The following SNTB1 variants were observed in gnomAD, a reference collection of about 807,000 sequenced individuals.
The protein encoded by SNTB1 is beta-1-syntrophin.
In SNTB1, 36 loss-of-function variants were observed where a neutral mutation model predicts 48.9. The observed-to-expected ratio is 0.74, with a 90% confidence interval of 0.56 to 0.97. The LOEUF (loss-of-function observed/expected upper bound fraction) is 0.97. Among genes scored for constraint, SNTB1 ranks in the 50% least tolerant of loss-of-function variants. The pLI, the probability that SNTB1 is intolerant of heterozygous loss-of-function variation, is 0.00. For missense variants in SNTB1, 786 were observed against 703.4 expected (o/e 1.12, Z -1.33); for synonymous variants, 299 against 294.6 (o/e 1.01, Z -0.15).
chr8:120,810,358 A>C (rs1308108137), intron 1 of SNTB1, among the ~76,000 whole-genome samples: 1 of 152,200 alleles, frequency 6.6e-6, no homozygotes, highest in Non-Finnish European at 1.5e-5. Context: ...CACATAACTC[A>C]ACATAGCCAT....
chr8:120,546,642 G>C (rs561385329), intron 5 of SNTB1, among the ~76,000 whole-genome samples: 1 of 152,106 alleles, frequency 6.6e-6, no homozygotes, highest in South Asian at 2.1e-4. Flanking sequence ...GCTAATTTTT[G>C]TATTTTTAGT....
At chr8:120,719,895 C>G (rs1389585556) in intron 1 of SNTB1, among the ~76,000 whole-genome samples, 1 of 152,234 alleles carries the variant, frequency 6.6e-6, no homozygotes, top group Non-Finnish European at 1.5e-5. Flanking sequence ...AAGAATTCCA[C>G]TTACATGAAT....
chr8:120,556,578 T>C (rs1391521072), intron 4 of SNTB1, among the ~76,000 whole-genome samples: 2 of 152,206 alleles, frequency 1.3e-5, no homozygotes, highest in Non-Finnish European at 2.9e-5. Context: ...TTCATCACTA[T>C]ACTACCTTAT....
chr8:120,703,471 A>G (rs1818336465), intron 1 of SNTB1, among the ~76,000 whole-genome samples: 1 of 152,152 alleles, frequency 6.6e-6, no homozygotes, highest in Admixed American at 6.5e-5. Flanking sequence ...ACCAATCTTT[A>G]TTACAGATCA....
intron 1 of SNTB1, among the ~76,000 whole-genome samples, chr8:120,794,448 T>G (rs1207981398): frequency 6.6e-6 from 1 of 151,948 alleles, no homozygotes; most frequent in Non-Finnish European, 1.5e-5. Context: ...TAGAGAAAGC[T>G]ATTCAATATA....
chr8:120,646,197 C>G lies in SNTB1; in HGVS notation c.789-13546G>C, dbSNP rs1286384310. On this transcript the variant is annotated intron_variant, in intron 2 of 6. Transcript: ENST00000517992. Reference sequence around the variant, plus strand: ...ATTGCCCTGGCCAGAACTTCCAACACTATGTTGAATAGGAGTGGTGAGAGA... The same window carrying G: ...ATTGCCCTGGCCAGAACTTCCAACAGTATGTTGAATAGGAGTGGTGAGAGA... Among the ~76,000 whole-genome samples the G allele has an allele frequency of 1.7e-4, 23 of 136,902 alleles. 1 individual carries two copies. Among genetic ancestry groups the G allele is most frequent in the Non-Finnish European group, 3.0e-4 (19 of 63,340 alleles). 89.8% of individuals were successfully genotyped at this position (136,902 alleles called of 152,430 possible).
At chr8:120,807,224 A>G (rs1587179619) in intron 1 of SNTB1, among the ~76,000 whole-genome samples, 1 of 152,316 alleles carries the variant, frequency 6.6e-6, no homozygotes, top group African/African-American at 2.4e-5. Context: ...TTGTAGCTTC[A>G]GTTACAAAAA....
intron 3 of SNTB1, among the ~76,000 whole-genome samples, chr8:120,623,778 A>G (rs1194569779): frequency 6.6e-6 from 1 of 152,244 alleles, no homozygotes; most frequent in African/African-American, 2.4e-5. Context: ...TGTTTTGACC[A>G]AAGTCAGGCA....
At chr8:120,553,299 G>A (rs1362148156) in intron 4 of SNTB1, among the ~76,000 whole-genome samples, 1 of 152,164 alleles carries the variant, frequency 6.6e-6, no homozygotes, top group Non-Finnish European at 1.5e-5. Flanking sequence ...ACCTTGATTT[G>A]CCATCTGAGG....
At chr8:120,545,719 G>A (rs58883879) in intron 5 of SNTB1, among the ~76,000 whole-genome samples, 44,076 of 152,002 alleles carry the variant, frequency 0.29, 7,470 homozygotes, top group African/African-American at 0.48. Context: ...CGAAGTAGGC[G>A]TTAGGCCCAT....
intron 4 of SNTB1, among the ~76,000 whole-genome samples, chr8:120,574,692 G>A (rs899551379): frequency 1.3e-5 from 2 of 152,132 alleles, no homozygotes; most frequent in Non-Finnish European, 2.9e-5. Context: ...AAAGCACAGT[G>A]GAGCATTCCC....
At chr8:120,572,314 C>G (rs1815868515) in intron 4 of SNTB1, among the ~76,000 whole-genome samples, 1 of 152,170 alleles carries the variant, frequency 6.6e-6, no homozygotes, top group African/African-American at 2.4e-5. Flanking sequence ...TCACATTGTT[C>G]AATAATTCAT....
At chr8:120,547,868 C>T (rs933116857) in intron 5 of SNTB1, among the ~76,000 whole-genome samples, 13 of 152,166 alleles carry the variant, frequency 8.5e-5, no homozygotes, top group Admixed American at 2.6e-4. Context: ...CCCTTTGCTC[C>T]GCTTATCCCC....
chr8:120,725,306 C>T (rs1252543160), intron 1 of SNTB1, among the ~76,000 whole-genome samples: 1 of 152,182 alleles, frequency 6.6e-6, no homozygotes, highest in Non-Finnish European at 1.5e-5. Flanking sequence ...AAAGTGGTAA[C>T]CAGCTCAGTA....
intron 1 of SNTB1, among the ~76,000 whole-genome samples, chr8:120,781,210 CAT>C (rs765795524): frequency 1.7e-4 from 26 of 152,152 alleles, no homozygotes; most frequent in Non-Finnish European, 3.7e-4. Flanking sequence ...GGAAATGTAA[CAT>C]AAGCATATTT....
chr8:120,567,486 T>A (rs1229282512), intron 4 of SNTB1, among the ~76,000 whole-genome samples: 2 of 149,146 alleles, frequency 1.3e-5, no homozygotes, highest in Non-Finnish European at 3.0e-5. Flanking sequence ...AGTGGTGCCA[T>A]CATAGCTCAT....
At chr8:120,615,733 A>T (rs1397370408) in intron 3 of SNTB1, among the ~76,000 whole-genome samples, 3 of 152,224 alleles carry the variant, frequency 2.0e-5, no homozygotes, top group African/African-American at 7.2e-5. Flanking sequence ...CCATCTGAAT[A>T]ACATAAGCCA....
chr8:120,680,412 C>T (rs1170182454), intron 2 of SNTB1, among the ~76,000 whole-genome samples: 1 of 152,200 alleles, frequency 6.6e-6, no homozygotes, highest in Non-Finnish European at 1.5e-5. Flanking sequence ...GTTCAACACA[C>T]TAGCAATGTC....
In SNTB1 at chr8:120,536,831, C is replaced by A. The variant is rs1187993477; in HGVS notation, c.*2046G>T. ...TTTGTCTATAAATATATAATAGAAT[C>A]TTGGCAACTTAATTATGAGCAGTTA... On this transcript the variant is annotated 3_prime_UTR_variant, in exon 7 of 7. Transcript: ENST00000517992. 1 of 152,064 alleles carries A rather than the reference C, an allele frequency of 6.6e-6. No individual in the cohort carries two copies. The highest frequency in any genetic ancestry group is 2.4e-5 in the African/African-American group (1 of 41,532). The allele number at this position is 152,064 out of a possible 1,614,324, so 9.4% of individuals were successfully genotyped here.
Sources: allele counts gnomAD v4.1 joint callset (sites outside exome capture counted in the v4.1 genomes callset), GRCh38; gene constraint gnomAD v4.1.1; transcripts MANE v1.5; gene names NCBI Gene and HGNC (gene_info 2026-07-23, HGNC 2026-07-21).